Variants in SLCO3A1 observed in about 807,000 individuals in gnomAD.
SLCO3A1 encodes the protein PGE1 transporter.
A neutral mutation model predicts 63.1 loss-of-function variants in SLCO3A1; 27 were observed. That is an observed-to-expected ratio of 0.43 (90% confidence interval 0.32 to 0.59). The LOEUF (loss-of-function observed/expected upper bound fraction) is 0.59. Among genes scored for constraint, SLCO3A1 ranks in the 20% least tolerant of loss-of-function variants. The probability of loss-of-function intolerance (pLI) is 0.09; values close to 1 mark genes in which losing one functional copy is unlikely to be tolerated. For missense variants in SLCO3A1, 773 were observed against 945.8 expected, an observed-to-expected ratio of 0.82 and a Z score of 2.40; for synonymous variants, 473 against 409.9, an observed-to-expected ratio of 1.15 and a Z score of -1.86.
chr15:92,080,854 T>C (rs2047334813), intron 2 of SLCO3A1, among the ~76,000 whole-genome samples: 3 of 152,194 alleles, frequency 2.0e-5, no homozygotes, highest in Admixed American at 2.0e-4. Flanking sequence ...TGTGTCCATA[T>C]TCTTCCTTTA....
At chr15:91,878,211 G>A (rs746326811) in intron 1 of SLCO3A1, among the ~76,000 whole-genome samples, 9 of 148,958 alleles carry the variant, frequency 6.0e-5, no homozygotes, top group South Asian at 2.2e-4. Context: ...TCAGCCTCCC[G>A]GATAGCTGGG....
chr15:92,127,266 G>T (rs531140617), intron 6 of SLCO3A1, among the ~76,000 whole-genome samples: 1 of 152,316 alleles, frequency 6.6e-6, no homozygotes, highest in South Asian at 2.1e-4. Flanking sequence ...TCAAGTAGCA[G>T]ACTGCTCAAC....
At chr15:92,106,386 G>A (rs2047667985) in intron 4 of SLCO3A1, among the ~76,000 whole-genome samples, 1 of 152,118 alleles carries the variant, frequency 6.6e-6, no homozygotes, top group South Asian at 2.1e-4. Flanking sequence ...GCAGGCCCCA[G>A]GCAAGGAGGG....
intron 2 of SLCO3A1, among the ~76,000 whole-genome samples, chr15:92,035,119 C>T (rs938079896): frequency 1.3e-5 from 2 of 151,684 alleles, no homozygotes; most frequent in Non-Finnish European, 2.9e-5. Flanking sequence ...TCCAGTGGCC[C>T]GGAAAACTCC....
intron 9 of SLCO3A1, chr15:92,157,023 T>C (rs1210120691): frequency 6.6e-6 from 1 of 152,234 alleles, no homozygotes; most frequent in East Asian, 1.9e-4. Context: ...ACAGAGACAG[T>C]GTTCTTAAAC....
At chr15:92,029,421 G>A (rs1360190710) in intron 2 of SLCO3A1, among the ~76,000 whole-genome samples, 1 of 152,198 alleles carries the variant, frequency 6.6e-6, no homozygotes, top group Admixed American at 6.5e-5. Flanking sequence ...ACTATTCCCA[G>A]GCTTGGTAGG....
chr15:92,171,764 C>T, intron 10 of SLCO3A1: 1 of 1,538,474 alleles, frequency 6.5e-7, no homozygotes, highest in Non-Finnish European at 8.8e-7. Context: ...GCTCTTCTTC[C>T]CTCCTCCCCC....
At chr15:92,132,922 G>C (rs1482407078) in intron 7 of SLCO3A1, among the ~76,000 whole-genome samples, 1 of 145,810 alleles carries the variant, frequency 6.9e-6, no homozygotes, top group African/African-American at 2.5e-5. Context: ...CAGAGATTCT[G>C]ATTCCCTTAT....
intron 3 of SLCO3A1, among the ~76,000 whole-genome samples, chr15:92,101,376 G>T (rs571197877): frequency 3.9e-5 from 6 of 152,194 alleles, no homozygotes. Context: ...GGGCATGGTG[G>T]TGGGCACCTG....
At chr15:92,089,888 C>T (rs2047450929) in intron 2 of SLCO3A1, among the ~76,000 whole-genome samples, 1 of 152,108 alleles carries the variant, frequency 6.6e-6, no homozygotes, top group Non-Finnish European at 1.5e-5. Flanking sequence ...CAGAGGGTCC[C>T]AAACTTACTT....
intron 7 of SLCO3A1, among the ~76,000 whole-genome samples, chr15:92,130,843 C>T (rs1029176708): frequency 3.3e-5 from 5 of 150,302 alleles, no homozygotes; most frequent in East Asian, 2.0e-4. Flanking sequence ...CTCCCTCCCT[C>T]GCCCCCTTTT....
At chr15:92,087,516 ATTTTTT>A (rs34074469) in intron 2 of SLCO3A1, among the ~76,000 whole-genome samples, 1 of 121,764 alleles carries the variant, frequency 8.2e-6, no homozygotes, top group African/African-American at 3.2e-5. Flanking sequence ...ATTATCTATT[ATTTTTT>A]TTTTTTTTTT....
intron 2 of SLCO3A1, among the ~76,000 whole-genome samples, chr15:91,943,949 G>T (rs1410971179): frequency 6.6e-6 from 1 of 152,126 alleles, no homozygotes; most frequent in Non-Finnish European, 1.5e-5. Context: ...TCCCTCGGTG[G>T]GTCCCTTGGC....
rs372217823 is a variant in SLCO3A1 at position 92,076,132 on chromosome 15, C to A, written c.647-18749C>A. Among the ~76,000 whole-genome samples the A allele has an allele frequency of 5.3e-5, 8 of 152,322 alleles. No homozygotes were observed. In the South Asian group the frequency reaches 8.3e-4, roughly 16 times the overall value. The stretch of plus-strand genomic sequence containing the variant: ...CTGTCATGTCAGCAAGCGGCCGTGT[C>A]CCCCTTAGTGATAAAATCAGGGTGA... On this transcript the variant is annotated intron_variant, in intron 2 of 9. Transcript: ENST00000318445.
chr15:92,154,450 G>A (rs2048346613), intron 9 of SLCO3A1, among the ~76,000 whole-genome samples: 1 of 152,198 alleles, frequency 6.6e-6, no homozygotes, highest in Non-Finnish European at 1.5e-5. Context: ...GGCTTCTGTA[G>A]CCTACTTTAA....
chr15:91,864,923 C>T (rs563345719), intron 1 of SLCO3A1, among the ~76,000 whole-genome samples: 45 of 152,294 alleles, frequency 3.0e-4, no homozygotes, highest in Non-Finnish European at 4.4e-4. Flanking sequence ...CACGCCTCAC[C>T]GTCCCTGACA....
Position 92,047,604 on chromosome 15 carries a change from TATATATAATATATAAATATATATATA to T in SLCO3A1, c.647-47275_647-47250del, listed in dbSNP as rs1193354779. Among the ~76,000 whole-genome samples the T allele has an allele frequency of 2.5e-4, 14 of 56,368 alleles. 1 individual carries two copies. Among genetic ancestry groups the T allele is most frequent in the Admixed American group, 4.7e-4 (1 of 2,140 alleles). 37.0% of individuals were successfully genotyped at this position (56,368 alleles called of 152,430 possible). ...TATAATATATATATAATATATAATA[TATATATAATATATAAATATATATATA>T]AATATATAAATATATATATCTGTAG... On this transcript the variant is annotated intron_variant, in intron 2 of 9. Transcript: ENST00000318445.
At chr15:92,166,234 G>A (rs1050430930), downstream of SLCO3A1, among the ~76,000 whole-genome samples, 1 of 152,144 alleles carries the variant, frequency 6.6e-6, no homozygotes, top group Non-Finnish European at 1.5e-5. Flanking sequence ...GCCACAGCAT[G>A]GCATGCGGGC....
intron 2 of SLCO3A1, among the ~76,000 whole-genome samples, chr15:92,060,919 G>T (rs1390339856): frequency 6.6e-6 from 1 of 152,128 alleles, no homozygotes; most frequent in Non-Finnish European, 1.5e-5. Flanking sequence ...AGACATAATT[G>T]GGTGATGGAG....
Sources: allele counts gnomAD v4.1 joint callset (sites outside exome capture counted in the v4.1 genomes callset), GRCh38; gene constraint gnomAD v4.1.1; transcripts MANE v1.5; gene names NCBI Gene and HGNC (gene_info 2026-07-23, HGNC 2026-07-21).